AFF3: variants seen among roughly 807,000 people sequenced by gnomAD.
AFF3 encodes the protein AF4/FMR2 family member 3.
Under a neutral mutation model 129.7 loss-of-function variants are expected in AFF3, and 32 were observed. The ratio of observed to expected loss-of-function variants is 0.25; its 90% CI spans 0.19 to 0.33. AFF3 has a LOEUF of 0.33. Ranked by LOEUF, AFF3 falls within the 10% of genes least tolerant of loss-of-function variation. The pLI is 1.00. For synonymous variants in AFF3, 644 were observed against 635.4 expected, an observed-to-expected ratio of 1.01 and a Z score of -0.20; for missense variants, 1,373 against 1,592.0, an observed-to-expected ratio of 0.86 and a Z score of 2.34.
At chr2:99,661,951 C>T (rs1443449190) in intron 12 of AFF3, among the ~76,000 whole-genome samples, 1 of 152,108 alleles carries the variant, frequency 6.6e-6, no homozygotes, top group South Asian at 2.1e-4. Context: ...ACCATCCTGG[C>T]CAACGCGGTG....
At position 99,862,325 on chromosome 2, in the gene AFF3, T is replaced by C. The variant is rs17023247; in HGVS notation, c.874-24801A>G. On this transcript the variant is annotated intron_variant, in intron 7 of 24. Coordinates refer to ENST00000672756, the MANE Select transcript of AFF3 (RefSeq NM_001386135.1). The stretch of plus-strand genomic sequence containing the variant: ...AGGGACTGTCCTCTGCAGCACACTA[T>C]TTCATCCATAGATAATGTCCGGGGT... Among the ~76,000 whole-genome samples, 881 of 152,310 alleles carry C rather than the reference T, an allele frequency of 5.8e-3. 1 individual carries two copies. The highest frequency in any genetic ancestry group is 0.02 in the African/African-American group (852 of 41,574).
At chr2:99,964,499 T>A (rs997946034) in intron 7 of AFF3, among the ~76,000 whole-genome samples, 13 of 152,160 alleles carry the variant, frequency 8.5e-5, no homozygotes, top group African/African-American at 3.1e-4. Context: ...CATTCATTTC[T>A]AAATACTGAA....
intron 7 of AFF3, among the ~76,000 whole-genome samples, chr2:99,969,691 T>C (rs1306220987): frequency 6.6e-6 from 1 of 151,928 alleles, no homozygotes; most frequent in East Asian, 1.9e-4. Context: ...TTAGTAGAGA[T>C]GGGGTTTCAC....
At chr2:99,725,813 A>G (rs1679321220) in intron 11 of AFF3, among the ~76,000 whole-genome samples, 1 of 152,236 alleles carries the variant, frequency 6.6e-6, no homozygotes, top group Admixed American at 6.5e-5. Context: ...TTCATTATTG[A>G]GAATTTGAAA....
chr2:99,604,365 T>A (rs913095844), intron 13 of AFF3, among the ~76,000 whole-genome samples: 1 of 152,064 alleles, frequency 6.6e-6, no homozygotes. Context: ...ACCAAACTAA[T>A]GCAGGAAGAG....
intron 7 of AFF3, among the ~76,000 whole-genome samples, chr2:99,921,695 A>T (rs1422015154): frequency 2.0e-5 from 3 of 152,190 alleles, no homozygotes; most frequent in Non-Finnish European, 4.4e-5. Context: ...GAAAGGAATA[A>T]ATGTGAAAGA....
At chr2:99,562,374 T>G (rs1675551326) in intron 20 of AFF3, among the ~76,000 whole-genome samples, 7 of 152,194 alleles carry the variant, frequency 4.6e-5, no homozygotes, top group Admixed American at 4.6e-4. Flanking sequence ...CTGCTCAGAT[T>G]GGGTAAATTA....
intron 4 of AFF3, among the ~76,000 whole-genome samples, chr2:100,020,687 T>C (rs1683518336): frequency 6.6e-6 from 1 of 152,154 alleles, no homozygotes; most frequent in East Asian, 1.9e-4. Flanking sequence ...CAACCCTCTC[T>C]AGACCTGTCA....
intron 8 of AFF3, among the ~76,000 whole-genome samples, chr2:99,778,564 A>T (rs1172233858): frequency 6.6e-6 from 1 of 152,144 alleles, no homozygotes; most frequent in Non-Finnish European, 1.5e-5. Flanking sequence ...AATGTGATCT[A>T]TGTCATCGGT....
chr2:99,815,856 T>C (rs1204979595), intron 8 of AFF3, among the ~76,000 whole-genome samples: 1 of 151,860 alleles, frequency 6.6e-6, no homozygotes, highest in Non-Finnish European at 1.5e-5. Flanking sequence ...ACATGGATAT[T>C]TACCTTGCAA....
chr2:99,895,227 A>C (rs1329662004), intron 7 of AFF3, among the ~76,000 whole-genome samples: 1 of 152,238 alleles, frequency 6.6e-6, no homozygotes, highest in African/African-American at 2.4e-5. Flanking sequence ...ACACTTTCAA[A>C]TTGTATAGAT....
intron 8 of AFF3, among the ~76,000 whole-genome samples, chr2:99,763,784 A>G (rs1027612619): frequency 6.6e-6 from 1 of 152,204 alleles, no homozygotes; most frequent in Non-Finnish European, 1.5e-5. Flanking sequence ...TCGTAGCAAA[A>G]TCTTGTTTCT....
At chr2:99,822,695 C>T (rs894684477) in intron 8 of AFF3, among the ~76,000 whole-genome samples, 2 of 152,162 alleles carry the variant, frequency 1.3e-5, no homozygotes, top group Admixed American at 1.3e-4. Flanking sequence ...GACCCCTCCC[C>T]GCATCCACAC....
At chr2:99,589,851 G>A in intron 15 of AFF3, among the ~76,000 whole-genome samples, 1 of 152,258 alleles carries the variant, frequency 6.6e-6, no homozygotes, top group South Asian at 2.1e-4. Context: ...AGCAGGAAAA[G>A]AGTGATGTTA....
chr2:100,007,765 A>G, intron 5 of AFF3: 1 of 368,136 alleles, frequency 2.7e-6, no homozygotes, highest in South Asian at 3.0e-5. Flanking sequence ...ACCTGAGGTC[A>G]GGTGTTTGAG....
At chr2:100,010,062 A>T (rs1003973700) in intron 4 of AFF3, among the ~76,000 whole-genome samples, 1 of 152,188 alleles carries the variant, frequency 6.6e-6, no homozygotes, top group African/African-American at 2.4e-5. Context: ...GGGATGGAAA[A>T]GCCACTCGGT....
chr2:99,854,535 C>T (rs1690383708), intron 7 of AFF3, among the ~76,000 whole-genome samples: 1 of 152,160 alleles, frequency 6.6e-6, no homozygotes, highest in Admixed American at 6.5e-5. Context: ...TGTGAAATTA[C>T]AAACTTATTA....
Position 99,549,208 on chromosome 2 carries a change from T to A in AFF3, c.*2266A>T. The A allele has an allele frequency of 4.7e-6, 1 of 213,512 alleles. No homozygotes were observed. Among genetic ancestry groups the A allele is most frequent in the Non-Finnish European group, 9.5e-6 (1 of 105,602 alleles). The allele number at this position is 213,512 out of a possible 1,614,324, so 13.2% of individuals were successfully genotyped here. A position where few individuals can be genotyped will look rare whatever the true frequency, so the allele number is the denominator to read the frequency against. On this transcript the variant is annotated 3_prime_UTR_variant, in exon 25 of 25. Transcript: ENST00000672756. ...CTTCAAGAGTAGGTAGAACAAAGCC[T>A]CAGTCCTCCAAAAAAATGACTCAAA...
chr2:100,034,533 C>T (rs978048871), intron 4 of AFF3, among the ~76,000 whole-genome samples: 23 of 146,138 alleles, frequency 1.6e-4, no homozygotes, highest in African/African-American at 5.5e-4. Flanking sequence ...CTAATTTTCC[C>T]TTTTTTTTTT....
Sources: gnomAD v4.1 joint callset for allele counts (sites outside exome capture counted in the v4.1 genomes callset) on GRCh38, gnomAD v4.1.1 for gene constraint, MANE v1.5 for transcripts, NCBI Gene and HGNC (gene_info 2026-07-23, HGNC 2026-07-21) for gene names.